The following CCSER2 variants were observed in gnomAD, a reference collection of about 807,000 sequenced individuals.
CCSER2 encodes the protein serine-rich coiled-coil domain-containing protein 2.
A neutral mutation model predicts 92.3 loss-of-function variants in CCSER2; 46 were observed. The observed-to-expected ratio is 0.50, with a 90% CI of 0.39 to 0.64. The LOEUF is 0.64. Among genes scored for constraint, CCSER2 ranks in the 30% least tolerant of loss-of-function variants. CCSER2 has a pLI of 0.00. For missense variants in CCSER2, 1,244 were observed against 1,238.9 expected (o/e 1.00, Z -0.06); for synonymous variants, 433 against 431.4 (o/e 1.00, Z -0.04).
At chr10:84,390,170 A>G (rs1841446555) in intron 3 of CCSER2, among the ~76,000 whole-genome samples, 1 of 152,160 alleles carries the variant, frequency 6.6e-6, no homozygotes, top group African/African-American at 2.4e-5. Flanking sequence ...AATACCACCA[A>G]TTCCATCCTA....
intron 1 of CCSER2, among the ~76,000 whole-genome samples, chr10:84,352,030 G>A (rs1423713899): frequency 6.6e-6 from 1 of 152,184 alleles, no homozygotes; most frequent in Non-Finnish European, 1.5e-5. Context: ...GCTGGCCGCG[G>A]TGGCTCACGC....
intron 9 of CCSER2, among the ~76,000 whole-genome samples, chr10:84,488,790 G>A (rs1175192543): frequency 7.0e-6 from 1 of 143,242 alleles, no homozygotes; most frequent in Non-Finnish European, 1.6e-5. Context: ...GCTTTTGAAT[G>A]TGTTTGCTCT....
intron 3 of CCSER2, chr10:84,389,040 T>C (rs1841377588): frequency 7.9e-6 from 2 of 252,692 alleles, no homozygotes; most frequent in South Asian, 4.2e-5. Context: ...AAAATTAACA[T>C]GAATGCATTA....
chr10:84,347,796 G>A (rs997204140), intron 1 of CCSER2, among the ~76,000 whole-genome samples: 1 of 150,900 alleles, frequency 6.6e-6, no homozygotes, highest in Admixed American at 6.6e-5. Context: ...GGACAGAGAC[G>A]CTCCTCACCT....
At chr10:84,411,388 C>T (rs946714193) in intron 3 of CCSER2, among the ~76,000 whole-genome samples, 6 of 152,068 alleles carry the variant, frequency 3.9e-5, no homozygotes, top group Admixed American at 6.6e-5. Flanking sequence ...AAATTCGTTT[C>T]GGCAGTATGG....
chr10:84,480,450 A>G (rs1433644463), intron 9 of CCSER2, among the ~76,000 whole-genome samples: 2 of 152,186 alleles, frequency 1.3e-5, no homozygotes, highest in Non-Finnish European at 2.9e-5. Flanking sequence ...GTACAAAGAA[A>G]TCTTTTGACA....
In CCSER2 at chr10:84,515,751, AGAATT is replaced by A. The variant is rs1475971004; in HGVS notation, c.*1488_*1492del. On this transcript the variant is annotated 3_prime_UTR_variant, in exon 10 of 10. Coordinates refer to ENST00000372088, the MANE Select transcript of CCSER2 (RefSeq NM_001284240.2). ...TTAAAGGTAGATTTGGGAAAAAAAT[AGAATT>A]GAAGATGGGAAATTTTGTTTTATTA... 6.6e-6 allele frequency: 1 copy of A among 152,242 alleles called. No homozygotes were observed. Among genetic ancestry groups the A allele is most frequent in the Non-Finnish European group, 1.5e-5 (1 of 68,042 alleles). The allele number at this position is 152,242 out of a possible 1,614,324, so 9.4% of individuals were successfully genotyped here.
intron 4 of CCSER2, among the ~76,000 whole-genome samples, chr10:84,423,904 T>C (rs1226596482): frequency 6.7e-6 from 1 of 150,136 alleles, no homozygotes; most frequent in Non-Finnish European, 1.5e-5. Flanking sequence ...CCCAGCACTT[T>C]GGGAAGCTGA....
intron 9 of CCSER2, among the ~76,000 whole-genome samples, chr10:84,513,041 A>C (rs1156419347): frequency 6.6e-6 from 1 of 152,052 alleles, no homozygotes; most frequent in Non-Finnish European, 1.5e-5. Context: ...TTTTAACTTT[A>C]ATGTAAGTAG....
At position 84,457,329 on chromosome 10, in the gene CCSER2, A is replaced by T. The variant is rs186870192; in HGVS notation, c.2065-6604A>T. On this transcript the variant is annotated intron_variant, in intron 6 of 9. Coordinates refer to ENST00000372088, the MANE Select transcript of CCSER2 (RefSeq NM_001284240.2). The stretch of plus-strand genomic sequence containing the variant: ...ATGTTATATATAATATATTATATAT[A>T]ATATATTATATATTATATATAATAT... Among the ~76,000 whole-genome samples the T allele has an allele frequency of 1.7e-3, 90 of 53,060 alleles. 2 individuals carry two copies. Among genetic ancestry groups the T allele is most frequent in the South Asian group, 3.4e-3 (6 of 1,790 alleles). The allele number at this position is 53,060 out of a possible 152,430, so 34.8% of individuals were successfully genotyped here. A position where few individuals can be genotyped will look rare whatever the true frequency, so the allele number is the denominator to read the frequency against.
At chr10:84,329,016 C>T (rs1373484199) in intron 1 of CCSER2, among the ~76,000 whole-genome samples, 3 of 151,722 alleles carry the variant, frequency 2.0e-5, no homozygotes, top group Non-Finnish European at 4.4e-5. Context: ...CCCGGGAGGC[C>T]GGAGGGCGCC....
rs187835191 is a variant in CCSER2, at chr10:84,375,982, T to A, written c.1614+2167T>A. On this transcript the variant is annotated intron_variant, in intron 3 of 9. Coordinates refer to ENST00000372088, the MANE Select transcript of CCSER2 (RefSeq NM_001284240.2). The stretch of plus-strand genomic sequence containing the variant: ...CTGCTTCTACCAGTCCAGGTAAAGA[T>A]AAGGAGCTTTCACTAGAATGTACAT... Among the ~76,000 whole-genome samples the A allele has an allele frequency of 3.3e-5, 5 of 152,156 alleles. No homozygotes were observed. The East Asian group carries it at 9.6e-4, about 29-fold the overall frequency.
At chr10:84,347,418 C>G (rs1420532852) in intron 1 of CCSER2, among the ~76,000 whole-genome samples, 1 of 148,626 alleles carries the variant, frequency 6.7e-6, no homozygotes, top group Non-Finnish European at 1.5e-5. Context: ...GTGCTGACCC[C>G]CCACCTCCCT....
chr10:84,480,109 A>G (rs1343855536), intron 9 of CCSER2, among the ~76,000 whole-genome samples: 5 of 152,138 alleles, frequency 3.3e-5, no homozygotes, highest in East Asian at 1.9e-4. Flanking sequence ...CAATGGTGCA[A>G]TTATGGTCCA....
At chr10:84,425,605 A>G (rs1843386078) in intron 4 of CCSER2, 126 bp from the exon 5 acceptor site, 2 of 588,230 alleles carry the variant, frequency 3.4e-6, no homozygotes, top group African/African-American at 1.9e-5. Context: ...TGTGATTAAC[A>G]TAAATGGCTG....
chr10:84,508,966 T>G (rs1255268511), intron 9 of CCSER2, among the ~76,000 whole-genome samples: 1 of 152,220 alleles, frequency 6.6e-6, no homozygotes, highest in African/African-American at 2.4e-5. Flanking sequence ...GCTGAATGCT[T>G]GTTAAGATAC....
At chr10:84,375,089 T>A (rs190732014) in intron 3 of CCSER2, among the ~76,000 whole-genome samples, 2 of 152,216 alleles carry the variant, frequency 1.3e-5, no homozygotes, top group East Asian at 3.9e-4. Context: ...GAAGTGCAAA[T>A]GAAAAAGGTG....
chr10:84,386,805 G>T (rs1035509336), intron 3 of CCSER2, among the ~76,000 whole-genome samples: 1 of 152,150 alleles, frequency 6.6e-6, no homozygotes, highest in Admixed American at 6.5e-5. Context: ...AGAGCTGGAG[G>T]CCATTATTCT....
chr10:84,410,820 TG>T (rs1842613045), intron 3 of CCSER2, among the ~76,000 whole-genome samples: 1 of 152,248 alleles, frequency 6.6e-6, no homozygotes, highest in Non-Finnish European at 1.5e-5. Context: ...ATTCTCATCA[TG>T]AAGTATTTGC....
Sources: gnomAD v4.1 joint callset for allele counts (sites outside exome capture counted in the v4.1 genomes callset) on GRCh38, gnomAD v4.1.1 for gene constraint, MANE v1.5 for transcripts, NCBI Gene and HGNC (gene_info 2026-07-23, HGNC 2026-07-21) for gene names.